The following WNK3 variants were observed in gnomAD, a reference collection of about 807,000 sequenced individuals.
WNK3 encodes the protein serine/threonine-protein kinase WNK3.
WNK3 carries 18 observed loss-of-function variants against 116.7 expected under a neutral mutation model. That is an observed-to-expected ratio of 0.15 (90% confidence interval 0.11 to 0.23). The LOEUF (loss-of-function observed/expected upper bound fraction) is 0.23. Among genes scored for constraint, WNK3 ranks in the 10% least tolerant of loss-of-function variants. WNK3 has a pLI of 1.00. For missense variants in WNK3, 993 were observed against 1,323.8 expected, an observed-to-expected ratio of 0.75 and a Z score of 3.88; for synonymous variants, 404 against 469.4, an observed-to-expected ratio of 0.86 and a Z score of 1.80.
intron 10 of WNK3, among the ~76,000 whole-genome samples, chrX:54,283,872 A>T (rs1557163336): frequency 1.8e-5 from 2 of 109,295 alleles, no homozygotes; most frequent in African/African-American, 6.6e-5. Flanking sequence ...GAGGAAAAAA[A>T]AAAAAAAAGA....
chrX:54,301,427 T>C (rs2068757739), intron 6 of WNK3, among the ~76,000 whole-genome samples: 2 of 110,559 alleles, frequency 1.8e-5, no homozygotes, highest in South Asian at 3.9e-4. Context: ...ACTAAAGATA[T>C]AGAATCAAAT....
intron 10 of WNK3, among the ~76,000 whole-genome samples, chrX:54,278,378 A>T (rs1184982100): frequency 1.8e-5 from 2 of 109,637 alleles, no homozygotes; most frequent in Non-Finnish European, 3.8e-5. Flanking sequence ...AGACTAGATT[A>T]TTCTAAAATG....
intron 20 of WNK3, among the ~76,000 whole-genome samples, chrX:54,233,884 G>A (rs1223297865): frequency 9.2e-6 from 1 of 108,304 alleles, no homozygotes; most frequent in Non-Finnish European, 1.9e-5. Context: ...GGGATGCTGA[G>A]GCAGGTAGAT....
intron 10 of WNK3, among the ~76,000 whole-genome samples, chrX:54,262,469 C>G (rs2146980139): frequency 9.0e-6 from 1 of 111,322 alleles, no homozygotes; most frequent in Non-Finnish European, 1.9e-5. Context: ...GATTTATTTC[C>G]AGGATTGGCA....
exon 12 of WNK3, chrX:54,255,792 G>A (rs1447824802): frequency 8.3e-7 from 1 of 1,209,462 alleles, no homozygotes. Context: ...GGGACAGGAA[G>A]CTCTTCTCTG....
At chrX:54,286,076 A>G (rs1424212143) in intron 10 of WNK3, among the ~76,000 whole-genome samples, 1 of 111,334 alleles carries the variant, frequency 9.0e-6, no homozygotes, top group African/African-American at 3.3e-5. Flanking sequence ...TTTCTTAATA[A>G]GATGTTGGGG....
chrX:54,229,563 G>A (rs970353845), intron 21 of WNK3, among the ~76,000 whole-genome samples: 3 of 107,968 alleles, frequency 2.8e-5, no homozygotes, highest in Non-Finnish European at 5.8e-5. Context: ...AAACAGTTTT[G>A]AAAAAAAACA....
chrX:54,344,263 G>A (rs1557176955), intron 1 of WNK3, among the ~76,000 whole-genome samples: 1 of 108,436 alleles, frequency 9.2e-6, no homozygotes, highest in Non-Finnish European at 1.9e-5. Context: ...CTAACACGAT[G>A]AAACCCCGTC....
exon 10 of WNK3, chrX:54,292,989 G>C (rs1322706736): frequency 1.7e-6 from 2 of 1,211,012 alleles, no homozygotes; most frequent in Non-Finnish European, 2.2e-6. Flanking sequence ...GACTGACCTT[G>C]AACCAAAGGC....
intron 13 of WNK3, among the ~76,000 whole-genome samples, chrX:54,251,974 A>G (rs982540673): frequency 9.4e-6 from 1 of 106,838 alleles, no homozygotes. Context: ...CTGAGGCAGG[A>G]GAATTGCTTG....
intron 2 of WNK3, among the ~76,000 whole-genome samples, chrX:54,322,833 C>A (rs781843772): frequency 4.6e-4 from 51 of 111,309 alleles, no homozygotes; most frequent in Middle Eastern, 4.7e-3. Flanking sequence ...ATATATGATA[C>A]CTGCTATTAC....
rs139720695 is a variant in WNK3 at position 54,231,473 on chromosome X, G to A, written c.4840+1336C>T. ...TCCTTCTGAAGGCTATAGGAGAGAT[G>A]TGTTCCCTGGCCTTTCCAGCTTCCA... On this transcript the variant is annotated intron_variant, in intron 21 of 23. Transcript: ENST00000354646. 4.8e-3 allele frequency among the ~76,000 whole-genome samples: 541 copies of A among 112,042 alleles called. 2 individuals are homozygous for A. Among genetic ancestry groups the A allele is most frequent in the African/African-American group, 0.016 (508 of 30,881 alleles).
rs187795547 is a variant in WNK3, at chrX:54,291,199, C to T, written c.2037+1689G>A. 1.6e-3 allele frequency among the ~76,000 whole-genome samples: 172 copies of T among 110,188 alleles called. 2 individuals are homozygous for T. The highest frequency in any genetic ancestry group is 2.6e-3 in the Non-Finnish European group (136 of 52,739). ...ATGGTGGCACGTGCCTGTAGTCCCA[C>T]CTACTCGGGAGGCTGTGGCAGAAGA... On this transcript the variant is annotated intron_variant, in intron 10 of 23. Transcript: ENST00000354646.
At chrX:54,228,831 CTTAAA>C in intron 21 of WNK3, 88 bp from the exon 22 acceptor site, 1 of 418,746 alleles carries the variant, frequency 2.4e-6, no homozygotes, top group Non-Finnish European at 4.3e-6. Context: ...ACTTATTGAA[CTTAAA>C]TTAATAAAGG....
At chrX:54,345,112 G>T (rs1285175329) in intron 1 of WNK3, among the ~76,000 whole-genome samples, 1 of 101,285 alleles carries the variant, frequency 9.9e-6, no homozygotes, top group Non-Finnish European at 2.0e-5. Flanking sequence ...AGCTGTGGCC[G>T]GCGCCTGTAG....
At chrX:54,301,233 ACT>A (rs1481869740) in intron 6 of WNK3, among the ~76,000 whole-genome samples, 1 of 95,786 alleles carries the variant, frequency 1.0e-5, no homozygotes, top group Non-Finnish European at 2.1e-5. Flanking sequence ...ACAGAGCGAG[ACT>A]CTGTCTCAAA....
rs1190783355 is a variant in WNK3, at chrX:54,212,035, G to T, written c.4871-9842C>A. Among the ~76,000 whole-genome samples, 8 of 111,212 alleles carry T rather than the reference G, an allele frequency of 7.2e-5. No homozygotes were observed. The East Asian group carries it at 2.3e-3, about 31-fold the overall frequency. On this transcript the variant is annotated intron_variant, in intron 22 of 23. Coordinates refer to ENST00000354646, the Ensembl canonical transcript of WNK3. ...AGGTCAGGAGATGGAGACCATCCTG[G>T]CTAACACAGTGAAATGCCGTCTCTA... is the stretch of plus-strand genomic sequence containing the variant.
At chrX:54,231,641 C>T (rs1159484221) in intron 21 of WNK3, among the ~76,000 whole-genome samples, 2 of 112,013 alleles carry the variant, frequency 1.8e-5, no homozygotes, top group Non-Finnish European at 3.8e-5. Context: ...AGTGATTTTA[C>T]ACTGGACCTA....
chrX:54,213,135 C>A (rs782514168), intron 22 of WNK3, among the ~76,000 whole-genome samples: 2 of 110,272 alleles, frequency 1.8e-5, no homozygotes, highest in Non-Finnish European at 3.8e-5. Flanking sequence ...TGTGCGCTAC[C>A]ATGACGGGCT....
Sources: gnomAD v4.1 joint callset for allele counts (sites outside exome capture counted in the v4.1 genomes callset) on GRCh38, gnomAD v4.1.1 for gene constraint, MANE v1.5 for transcripts, NCBI Gene and HGNC (gene_info 2026-07-23, HGNC 2026-07-21) for gene names.